The following SLC9C1 variants were observed in gnomAD, a reference collection of about 807,000 sequenced individuals.
The protein encoded by SLC9C1 is sodium/hydrogen exchanger 10.
In SLC9C1, 97 loss-of-function variants were observed where a neutral mutation model predicts 140.9. The ratio of observed to expected loss-of-function variants is 0.69; its 90% CI spans 0.58 to 0.82. The LOEUF is 0.82. Among genes scored for constraint, SLC9C1 ranks in the 40% least tolerant of loss-of-function variants. SLC9C1 has a pLI of 0.00. For synonymous variants in SLC9C1, 440 were observed against 442.6 expected, an observed-to-expected ratio of 0.99 and a Z score of 0.07; for missense variants, 1,340 against 1,389.3, an observed-to-expected ratio of 0.96 and a Z score of 0.56.
At chr3:112,143,347 C>T (rs1191975266) in intron 28 of SLC9C1, among the ~76,000 whole-genome samples, 1 of 152,162 alleles carries the variant, frequency 6.6e-6, no homozygotes, top group African/African-American at 2.4e-5. Flanking sequence ...AACTAGTTTA[C>T]ATTCCCACCA....
At chr3:112,259,945 G>C (rs540202130) in intron 10 of SLC9C1, among the ~76,000 whole-genome samples, 1 of 151,958 alleles carries the variant, frequency 6.6e-6, no homozygotes, top group Non-Finnish European at 1.5e-5. Context: ...ATCATGAATG[G>C]ATTTTACATT....
chr3:112,170,370 A>G (rs1398331844), intron 23 of SLC9C1, among the ~76,000 whole-genome samples: 1 of 152,190 alleles, frequency 6.6e-6, no homozygotes, highest in African/African-American at 2.4e-5. Flanking sequence ...CATTTTTCTG[A>G]TGATTAATGA....
At chr3:112,213,644 C>A (rs2078271789) in intron 15 of SLC9C1, among the ~76,000 whole-genome samples, 2 of 152,174 alleles carry the variant, frequency 1.3e-5, no homozygotes, top group Admixed American at 1.3e-4. Flanking sequence ...ATCAATTCAA[C>A]AAGAAGAGCT....
chr3:112,151,940 A>T lies in SLC9C1; in HGVS notation c.3441T>A (p.Thr1147=), dbSNP rs376085181. 8.1e-6 allele frequency: 13 copies of T among 1,604,576 alleles called. No individual in the cohort carries two copies. The highest frequency in any genetic ancestry group is 1.1e-5 in the Non-Finnish European group (13 of 1,177,422). ...GGGAGCAAGGCTGGGGACTCCTGGC[A>T]GTGGCGGCACTGTGTGCTCCATCCT... ...VKEDGAHSAA[T]ARSPQPCSLL... Residue 1147 remains threonine (T), a synonymous_variant, in exon 28 of 29, where the codon ACT becomes ACA. Transcript: ENST00000305815.
chr3:112,243,886 C>T, intron 11 of SLC9C1, 109 bp downstream of exon 11: 2 of 685,982 alleles, frequency 2.9e-6, no homozygotes, highest in South Asian at 6.3e-5. Flanking sequence ...AGACGGGGGT[C>T]TCACTATGTT....
At chr3:112,154,504 A>G (rs1274269504) in intron 27 of SLC9C1, among the ~76,000 whole-genome samples, 5 of 152,184 alleles carry the variant, frequency 3.3e-5, no homozygotes, top group African/African-American at 1.2e-4. Flanking sequence ...TATTTGTGGG[A>G]CTTTCTGAAT....
chr3:112,175,197 T>C (rs949115758), intron 23 of SLC9C1, among the ~76,000 whole-genome samples: 7 of 152,186 alleles, frequency 4.6e-5, no homozygotes, highest in Non-Finnish European at 8.8e-5. Flanking sequence ...CACTTTTCCA[T>C]AGGGCTGCTG....
At chr3:112,233,507 G>T (rs1576405700) in intron 12 of SLC9C1, among the ~76,000 whole-genome samples, 1 of 151,948 alleles carries the variant, frequency 6.6e-6, no homozygotes, top group East Asian at 1.9e-4. Context: ...TATACTTTAA[G>T]TTCTAGGGTA....
At chr3:112,248,545 T>A (rs948196523) in intron 10 of SLC9C1, among the ~76,000 whole-genome samples, 10 of 152,176 alleles carry the variant, frequency 6.6e-5, no homozygotes, top group Admixed American at 2.6e-4. Context: ...TGCTAGTATA[T>A]AAAAATATAA....
chr3:112,152,655 A>G (rs1004282396), intron 27 of SLC9C1, among the ~76,000 whole-genome samples: 4 of 152,118 alleles, frequency 2.6e-5, no homozygotes. Flanking sequence ...AGTGGGGAGA[A>G]ACCTTGGACA....
intron 28 of SLC9C1, among the ~76,000 whole-genome samples, chr3:112,150,838 A>ATTTT (rs1490606926): frequency 5.2e-5 from 3 of 58,090 alleles, no homozygotes; most frequent in African/African-American, 3.9e-4. Flanking sequence ...ATATATATAT[A>ATTTT]TATTTTTTTT....
At chr3:112,191,116 T>C (rs2077652462) in intron 20 of SLC9C1, among the ~76,000 whole-genome samples, 2 of 152,140 alleles carry the variant, frequency 1.3e-5, no homozygotes, top group African/African-American at 4.8e-5. Context: ...AAGTTTTTGA[T>C]GGTTTTCTCT....
intron 23 of SLC9C1, among the ~76,000 whole-genome samples, chr3:112,169,874 C>T (rs370414240): frequency 4.7e-4 from 71 of 152,172 alleles, no homozygotes; most frequent in African/African-American, 1.6e-3. Flanking sequence ...GGATGTTTTT[C>T]ATTTGTTTGT....
At chr3:112,154,775 C>T (rs1006704810) in intron 27 of SLC9C1, among the ~76,000 whole-genome samples, 1 of 152,150 alleles carries the variant, frequency 6.6e-6, no homozygotes, top group Non-Finnish European at 1.5e-5. Flanking sequence ...CTTCTGGCAT[C>T]CCTTGAACTT....
intron 21 of SLC9C1, among the ~76,000 whole-genome samples, chr3:112,181,689 C>T (rs538458238): frequency 6.6e-6 from 1 of 152,084 alleles, no homozygotes; most frequent in South Asian, 2.1e-4. Flanking sequence ...ATATAGTTCA[C>T]AGGAAGGTCT....
intron 20 of SLC9C1, among the ~76,000 whole-genome samples, chr3:112,182,751 C>T (rs1243646265): frequency 6.6e-6 from 1 of 152,166 alleles, no homozygotes; most frequent in Non-Finnish European, 1.5e-5. Context: ...ACCCTAGAAT[C>T]CTCCTTTATG....
At chr3:112,235,576 G>GT (rs2078961051) in intron 12 of SLC9C1, among the ~76,000 whole-genome samples, 1 of 151,476 alleles carries the variant, frequency 6.6e-6, no homozygotes, top group Admixed American at 6.6e-5. Flanking sequence ...AATGCTTCCA[G>GT]TTTTTGCCCA....
chr3:112,233,872 G>C (rs1404994055), intron 12 of SLC9C1, among the ~76,000 whole-genome samples: 3 of 152,088 alleles, frequency 2.0e-5, no homozygotes, highest in Non-Finnish European at 2.9e-5. Flanking sequence ...TCTTAATCCA[G>C]TCTATCATTG....
intron 15 of SLC9C1, among the ~76,000 whole-genome samples, chr3:112,209,865 A>C (rs534518641): frequency 6.6e-6 from 1 of 152,246 alleles, no homozygotes; most frequent in Non-Finnish European, 1.5e-5. Context: ...TTCCATGTTC[A>C]TGGTTTGGAA....
Sources: allele counts gnomAD v4.1 joint callset (sites outside exome capture counted in the v4.1 genomes callset), GRCh38; gene constraint gnomAD v4.1.1; transcripts MANE v1.5; gene names NCBI Gene and HGNC (gene_info 2026-07-23, HGNC 2026-07-21).